ARHGAP10: variants seen among roughly 807,000 people sequenced by gnomAD.
The protein encoded by ARHGAP10 is rho GTPase-activating protein 10.
ARHGAP10 carries 87 observed loss-of-function variants against 108.6 expected under a neutral mutation model. The ratio of observed to expected loss-of-function variants is 0.80; its 90% CI spans 0.67 to 0.96. The LOEUF is 0.96. Among genes scored for constraint, ARHGAP10 ranks in the 40% least tolerant of loss-of-function variants. The probability of loss-of-function intolerance (pLI) is 0.00; values close to 1 mark genes in which losing one functional copy is unlikely to be tolerated. For missense variants in ARHGAP10, 939 were observed against 954.5 expected (o/e 0.98, Z 0.21); for synonymous variants, 347 against 341.1 (o/e 1.02, Z -0.19).
rs1178977095 is a variant in ARHGAP10 at position 147,732,215 on chromosome 4, G to A, written c.-87G>A. Reference sequence around the variant, plus strand: ...GCTAGCTCCTCTGTGCTCCCTGAACGCGCGGCGCCGCACCTGGCAGCGGCC... The same window carrying A: ...GCTAGCTCCTCTGTGCTCCCTGAACACGCGGCGCCGCACCTGGCAGCGGCC... On this transcript the variant is annotated 5_prime_UTR_variant, in exon 1 of 23. Coordinates refer to ENST00000336498, the MANE Select transcript of ARHGAP10 (RefSeq NM_024605.4). 21 of 1,351,158 alleles carry A rather than the reference G, an allele frequency of 1.6e-5. No individual in the cohort carries two copies. The highest frequency in any genetic ancestry group is 1.9e-5 in the Non-Finnish European group (20 of 1,042,398). 83.7% of individuals were successfully genotyped at this position (1,351,158 alleles called of 1,614,324 possible). A position where few individuals can be genotyped will look rare whatever the true frequency, so the allele number is the denominator to read the frequency against.
intron 3 of ARHGAP10, among the ~76,000 whole-genome samples, chr4:147,823,377 G>T (rs1732583768): frequency 6.6e-6 from 1 of 152,146 alleles, no homozygotes. Context: ...AGATTTCTAG[G>T]CTGTGTGGAA....
chr4:148,017,673 T>TG (rs753735739), intron 18 of ARHGAP10, among the ~76,000 whole-genome samples: 10,332 of 139,044 alleles, frequency 0.074, 649 homozygotes, highest in South Asian at 0.19. Flanking sequence ...TATATATATA[T>TG]ATATATATAT....
At chr4:147,893,861 A>G (rs1218930448) in intron 10 of ARHGAP10, among the ~76,000 whole-genome samples, 2 of 152,156 alleles carry the variant, frequency 1.3e-5, no homozygotes, top group South Asian at 2.1e-4. Context: ...CATTTCTAGT[A>G]TATAGGTCTC....
At chr4:147,859,893 T>C (rs1268673118) in intron 5 of ARHGAP10, among the ~76,000 whole-genome samples, 1 of 152,258 alleles carries the variant, frequency 6.6e-6, no homozygotes, top group Non-Finnish European at 1.5e-5. Flanking sequence ...AATCTTGCTC[T>C]GTTTGCTTTT....
In ARHGAP10 at chr4:148,046,938, G is replaced by A. The variant is rs998369043; in HGVS notation, c.1914G>A (p.Leu638=). Residue 638 remains leucine (L), a synonymous_variant, in exon 20 of 23, where the codon CTG becomes CTA. Transcript: ENST00000336498. ...PSKEDTPTSS[L]DSLSSPSPVT... ...AGGAGGACACCCCTACCAGCAGTCT[G>A]GACTCACTTTCCTCCCCGTCTCCCG... The A allele has an allele frequency of 1.6e-5, 26 of 1,614,106 alleles. No individual in the cohort carries two copies. Among genetic ancestry groups the A allele is most frequent in the Non-Finnish European group, 1.9e-5 (23 of 1,180,002 alleles).
intron 19 of ARHGAP10, among the ~76,000 whole-genome samples, chr4:148,028,859 G>C (rs1029778054): frequency 2.6e-5 from 4 of 152,214 alleles, no homozygotes; most frequent in African/African-American, 9.7e-5. Flanking sequence ...TAGATGGAGA[G>C]ATCAAGGCAG....
At chr4:148,056,652 A>G (rs1186385674) in intron 20 of ARHGAP10, among the ~76,000 whole-genome samples, 1 of 152,064 alleles carries the variant, frequency 6.6e-6, no homozygotes, top group East Asian at 1.9e-4. Flanking sequence ...ACTAAACCAC[A>G]GACTTCATAT....
intron 1 of ARHGAP10, among the ~76,000 whole-genome samples, chr4:147,752,002 C>T (rs1463500421): frequency 6.6e-6 from 1 of 151,708 alleles, no homozygotes; most frequent in Non-Finnish European, 1.5e-5. Context: ...TCTCCTGCCT[C>T]AGCCTCCTGA....
intron 1 of ARHGAP10, among the ~76,000 whole-genome samples, chr4:147,765,501 T>C (rs1372777773): frequency 6.6e-6 from 1 of 152,210 alleles, no homozygotes; most frequent in Non-Finnish European, 1.5e-5. Context: ...ATGCTAGTGC[T>C]GATAGAAGTT....
intron 14 of ARHGAP10, chr4:147,946,112 C>T (rs57984081): frequency 0.048 from 7,397 of 152,646 alleles, 231 homozygotes; most frequent in Middle Eastern, 0.11. Context: ...TATAGGCAAG[C>T]CTTATGTGCA....
intron 1 of ARHGAP10, among the ~76,000 whole-genome samples, chr4:147,774,908 ATT>A (rs879445853): frequency 1.0e-4 from 14 of 138,352 alleles, no homozygotes; most frequent in Admixed American, 2.2e-4. Flanking sequence ...TCCTTGATGT[ATT>A]TTTTTTTTTT....
chr4:147,790,202 T>C (rs1731064603), intron 1 of ARHGAP10, among the ~76,000 whole-genome samples: 1 of 152,036 alleles, frequency 6.6e-6, no homozygotes, highest in Non-Finnish European at 1.5e-5. Flanking sequence ...TGTCCTCACT[T>C]GGGACACGGG....
chr4:147,855,684 T>TG (rs201833723), intron 4 of ARHGAP10, among the ~76,000 whole-genome samples: 47 of 138,626 alleles, frequency 3.4e-4, no homozygotes, highest in East Asian at 4.4e-4. Flanking sequence ...GTCAGATGGT[T>TG]TTTTTTTTTT....
intron 18 of ARHGAP10, among the ~76,000 whole-genome samples, chr4:147,989,132 C>A (rs1286540831): frequency 6.6e-6 from 1 of 152,148 alleles, no homozygotes; most frequent in African/African-American, 2.4e-5. Context: ...TGGTAGGATC[C>A]GTGATGCCCC....
At chr4:147,851,992 G>C (rs942469067) in intron 4 of ARHGAP10, among the ~76,000 whole-genome samples, 1 of 152,146 alleles carries the variant, frequency 6.6e-6, no homozygotes, top group African/African-American at 2.4e-5. Flanking sequence ...CAGTTTCCTG[G>C]TCTGTAAAAT....
chr4:148,014,769 A>ACT (rs35740795), intron 18 of ARHGAP10, among the ~76,000 whole-genome samples: 18,636 of 152,188 alleles, frequency 0.12, 1,742 homozygotes, highest in African/African-American at 0.26. Flanking sequence ...GCTATGCATC[A>ACT]CTATTTAGCG....
chr4:147,828,441 T>G (rs557301485), intron 3 of ARHGAP10, among the ~76,000 whole-genome samples: 1 of 152,170 alleles, frequency 6.6e-6, no homozygotes, highest in South Asian at 2.1e-4. Flanking sequence ...CAACAAATAG[T>G]GTGTGCCTGC....
intron 16 of ARHGAP10, among the ~76,000 whole-genome samples, chr4:147,962,019 A>G (rs571923377): frequency 3.3e-5 from 5 of 152,314 alleles, no homozygotes; most frequent in African/African-American, 1.2e-4. Context: ...TCCATGAGCT[A>G]GTGGTCACAC....
chr4:147,890,868 A>G (rs918030013), intron 10 of ARHGAP10, among the ~76,000 whole-genome samples: 3 of 152,088 alleles, frequency 2.0e-5, no homozygotes, highest in Non-Finnish European at 2.9e-5. Context: ...CAATAAACAC[A>G]TGAAAAAATG....
Sources: gnomAD v4.1 joint callset for allele counts (sites outside exome capture counted in the v4.1 genomes callset) on GRCh38, gnomAD v4.1.1 for gene constraint, MANE v1.5 for transcripts, NCBI Gene and HGNC (gene_info 2026-07-23, HGNC 2026-07-21) for gene names.